The following EFCAB5 variants were observed in gnomAD, a reference collection of about 807,000 sequenced individuals.
EFCAB5 encodes EF-hand calcium-binding domain-containing protein 5.
In EFCAB5, 131 loss-of-function variants were observed where a neutral mutation model predicts 167.9. The ratio of observed to expected loss-of-function variants is 0.78; its 90% CI spans 0.68 to 0.90. EFCAB5 has a LOEUF of 0.90. EFCAB5 is among the 40% of genes least tolerant of loss of function. The pLI is 0.00. For missense variants in EFCAB5, 1,663 were observed against 1,745.2 expected (o/e 0.95, Z 0.84); for synonymous variants, 574 against 602.8 (o/e 0.95, Z 0.70).
chr17:30,069,706 G>A (rs766857036), intron 14 of EFCAB5: 7 of 1,094,120 alleles, frequency 6.4e-6, no homozygotes, highest in Non-Finnish European at 9.4e-6. Flanking sequence ...TGTACCCGCC[G>A]TAGTCTCATG....
intron 7 of EFCAB5, among the ~76,000 whole-genome samples, chr17:30,005,245 A>G (rs2068751763): frequency 6.6e-6 from 1 of 152,166 alleles, no homozygotes; most frequent in Non-Finnish European, 1.5e-5. Context: ...TGGTGAGGCC[A>G]AGTCAGGATT....
At position 30,053,922 on chromosome 17, in the gene EFCAB5, T is replaced by C. The variant is rs1019974724; in HGVS notation, c.1968T>C (p.Tyr656=). ...ACCAAAAATCAGAACAAGGACCTTA[T>C]GGAGAGATAATTTCAGAAGAGCAAG... is the stretch of plus-strand genomic sequence containing the variant. The part of the protein sequence containing the change: ...EPYQKSEQGP[Y]GEIISEEQED... The change falls in exon 10 of 23, where the codon TAT becomes TAC. Residue 656 remains tyrosine, a synonymous_variant. Transcript: ENST00000394835. 50 of 1,613,848 alleles carry C rather than the reference T, an allele frequency of 3.1e-5. 1 individual carries two copies. The Admixed American group carries it at 8.3e-4, about 27-fold the overall frequency.
intron 22 of EFCAB5, among the ~76,000 whole-genome samples, chr17:30,096,110 G>C (rs952397858): frequency 2.0e-5 from 3 of 152,192 alleles, no homozygotes; most frequent in African/African-American, 7.2e-5. Context: ...ATGCACAAGA[G>C]AAGGGTATAA....
At chr17:30,021,980 G>A (rs2069190526) in intron 7 of EFCAB5, among the ~76,000 whole-genome samples, 1 of 152,150 alleles carries the variant, frequency 6.6e-6, no homozygotes, top group African/African-American at 2.4e-5. Flanking sequence ...GGAGTATGGA[G>A]AAAACTGAGT....
chr17:29,965,029 G>A (rs2067800390), intron 3 of EFCAB5, among the ~76,000 whole-genome samples: 1 of 151,252 alleles, frequency 6.6e-6, no homozygotes, highest in South Asian at 2.1e-4. Flanking sequence ...AGCCTGCCGA[G>A]TAGTTCGGAC....
At chr17:29,941,941 CT>C (rs2067304183) in intron 1 of EFCAB5, 103 bp downstream of exon 1, 1 of 1,247,832 alleles carries the variant, frequency 8.0e-7, no homozygotes, top group Non-Finnish European at 1.1e-6. Flanking sequence ...TTAATTATTT[CT>C]CTTTTTGGTT....
intron 19 of EFCAB5, 78 bp downstream of exon 19, chr17:30,087,244 C>T (rs2071107589): frequency 1.7e-6 from 2 of 1,161,624 alleles, no homozygotes; most frequent in African/African-American, 1.5e-5. Context: ...GACACAGCTT[C>T]TGACTCTTGC....
upstream of EFCAB5, among the ~76,000 whole-genome samples, chr17:29,937,095 A>T (rs528623315): frequency 4.6e-5 from 7 of 152,370 alleles, no homozygotes; most frequent in South Asian, 1.4e-3. Flanking sequence ...TAAAATTTAC[A>T]GTAATCCACA....
chr17:29,991,317 C>G (rs1371117820), intron 4 of EFCAB5, among the ~76,000 whole-genome samples: 1 of 152,244 alleles, frequency 6.6e-6, no homozygotes. Context: ...ATTAAAGACA[C>G]ACACACAGAA....
chr17:30,091,665 C>T (rs1412334449), intron 20 of EFCAB5, among the ~76,000 whole-genome samples: 2 of 152,192 alleles, frequency 1.3e-5, no homozygotes. Flanking sequence ...AAAGCCTCTT[C>T]CTATGAGCTT....
intron 3 of EFCAB5, among the ~76,000 whole-genome samples, chr17:29,965,504 T>C (rs1366305595): frequency 6.6e-6 from 1 of 152,202 alleles, no homozygotes; most frequent in Non-Finnish European, 1.5e-5. Flanking sequence ...AAAATATGTA[T>C]TCTGCTGTTA....
chr17:30,047,497 G>A (rs542753197), intron 8 of EFCAB5, among the ~76,000 whole-genome samples: 1 of 152,238 alleles, frequency 6.6e-6, no homozygotes, highest in African/African-American at 2.4e-5. Flanking sequence ...AACTACCAGA[G>A]ACAAGTCCCA....
chr17:30,067,991 G>A (rs1262106221), intron 14 of EFCAB5, among the ~76,000 whole-genome samples: 2 of 152,158 alleles, frequency 1.3e-5, no homozygotes, highest in Non-Finnish European at 2.9e-5. Context: ...CAGTAAAGTT[G>A]CAGGATACAA....
At chr17:30,020,192 T>C (rs1358297006) in intron 7 of EFCAB5, among the ~76,000 whole-genome samples, 1 of 152,156 alleles carries the variant, frequency 6.6e-6, no homozygotes, top group Non-Finnish European at 1.5e-5. Flanking sequence ...ACTTAGATGG[T>C]TCCATATATT....
chr17:30,087,285 T>A (rs1193199940), intron 19 of EFCAB5, 119 bp downstream of exon 19: 13 of 713,404 alleles, frequency 1.8e-5, no homozygotes, highest in Non-Finnish European at 2.9e-5. Context: ...TCTTTCTTTT[T>A]AATTTAATTT....
At chr17:30,055,358 AAG>A (rs1288424707) in intron 10 of EFCAB5, among the ~76,000 whole-genome samples, 1 of 151,290 alleles carries the variant, frequency 6.6e-6, no homozygotes, top group Non-Finnish European at 1.5e-5. Context: ...GGAAGGAAGG[AAG>A]GAAGGAAGGA....
chr17:29,946,744 G>A (rs1244570800), intron 3 of EFCAB5, among the ~76,000 whole-genome samples: 5 of 152,004 alleles, frequency 3.3e-5, no homozygotes, highest in African/African-American at 1.2e-4. Flanking sequence ...GGCTGAGTAT[G>A]GAAATTTCTT....
At chr17:30,011,798 G>A (rs1361565544) in intron 7 of EFCAB5, among the ~76,000 whole-genome samples, 1 of 151,908 alleles carries the variant, frequency 6.6e-6, no homozygotes, top group East Asian at 1.9e-4. Flanking sequence ...TACTGTGGGT[G>A]GCAAGCCACC....
intron 3 of EFCAB5, among the ~76,000 whole-genome samples, chr17:29,966,533 G>A (rs2067831264): frequency 1.3e-5 from 2 of 152,138 alleles, no homozygotes; most frequent in South Asian, 4.1e-4. Context: ...CCAGCTACTT[G>A]GGAGGCTGAG....
Sources: allele counts gnomAD v4.1 joint callset (sites outside exome capture counted in the v4.1 genomes callset), GRCh38; gene constraint gnomAD v4.1.1; transcripts MANE v1.5; gene names NCBI Gene and HGNC (gene_info 2026-07-23, HGNC 2026-07-21).